Variants in FNBP1 observed in about 807,000 individuals in gnomAD.
FNBP1 encodes formin-binding protein 1.
In FNBP1, 26 loss-of-function variants were observed where a neutral mutation model predicts 90.6. That is an observed-to-expected ratio of 0.29 (90% CI 0.21 to 0.40). The LOEUF (loss-of-function observed/expected upper bound fraction) is 0.40, where lower values mean the gene tolerates loss of function less well. Among genes scored for constraint, FNBP1 ranks in the 10% least tolerant of loss-of-function variants. The pLI, the probability that FNBP1 is intolerant of heterozygous loss-of-function variation, is 1.00. For synonymous variants in FNBP1, 260 were observed against 265.2 expected (o/e 0.98, Z 0.19); for missense variants, 635 against 768.0 (o/e 0.83, Z 2.05).
chr9:130,043,444 C>G (rs1207095720), upstream of FNBP1, among the ~76,000 whole-genome samples: 1 of 152,252 alleles, frequency 6.6e-6, no homozygotes, highest in Non-Finnish European at 1.5e-5. Flanking sequence ...TGACCACTGT[C>G]TGCTCGCAGT....
At chr9:129,895,024 G>A (rs1564246097) in intron 16 of FNBP1, among the ~76,000 whole-genome samples, 1 of 152,064 alleles carries the variant, frequency 6.6e-6, no homozygotes, top group South Asian at 2.1e-4. Flanking sequence ...ACTCCAGCCT[G>A]GGCAACAGAG....
intron 1 of FNBP1, chr9:130,014,005 A>C (rs2056942318): frequency 2.2e-6 from 1 of 456,518 alleles, no homozygotes; most frequent in Non-Finnish European, 4.4e-6. Flanking sequence ...ATAGCAACAC[A>C]AAATAGACTA....
At chr9:129,979,439 G>A in intron 2 of FNBP1, 65 bp from the exon 3 acceptor site, 1 of 1,124,768 alleles carries the variant, frequency 8.9e-7, no homozygotes, top group Non-Finnish European at 1.3e-6. Flanking sequence ...AGGAATGAAA[G>A]ATAACATTAG....
At chr9:129,919,186 C>T (rs1588541475) in intron 10 of FNBP1, 13 of 1,302,606 alleles carry the variant, frequency 1.0e-5, no homozygotes, top group South Asian at 2.5e-5. Flanking sequence ...CAAAGGCATA[C>T]GTGGGTTTCC....
At chr9:129,989,163 C>G (rs1256346215) in intron 2 of FNBP1, among the ~76,000 whole-genome samples, 1 of 152,226 alleles carries the variant, frequency 6.6e-6, no homozygotes, top group Non-Finnish European at 1.5e-5. Flanking sequence ...TAACCACCCC[C>G]ACTTCAATCT....
chr9:130,031,954 G>A lies in FNBP1; in HGVS notation c.24+10998C>T, dbSNP rs890302945. On this transcript the variant is annotated intron_variant, in intron 1 of 16. Transcript: ENST00000446176. This position sits in a 1 kb window ranked among gnomAD's most constrained non-coding sequence, Gnocchi z 4.2. ...TGGTATTACAGGAGTGAGCCACTGC[G>A]CCTGGCCTGATGAAATTTTTACAAT... is the stretch of plus-strand genomic sequence containing the variant. Among the ~76,000 whole-genome samples the A allele has an allele frequency of 2.0e-5, 3 of 152,024 alleles. No individual in the cohort carries two copies. The highest frequency in any genetic ancestry group is 2.1e-4 in the South Asian group (1 of 4,816).
At chr9:130,033,654 C>CCTCTACA (rs2059009114) in intron 1 of FNBP1, among the ~76,000 whole-genome samples, 2 of 149,860 alleles carry the variant, frequency 1.3e-5, no homozygotes, top group Admixed American at 1.3e-4. Flanking sequence ...CTGGGCAACA[C>CCTCTACA]AGGAAGACCC....
At chr9:129,902,833 T>A (rs1182160487) in intron 13 of FNBP1, 36 bp downstream of exon 13, 1 of 1,609,226 alleles carries the variant, frequency 6.2e-7, no homozygotes, top group Non-Finnish European at 8.5e-7. Context: ...CTGTTCTTCG[T>A]TTCCAACAAA....
chr9:129,921,664 C>T (rs576391933), intron 10 of FNBP1, among the ~76,000 whole-genome samples: 28 of 152,316 alleles, frequency 1.8e-4, no homozygotes, highest in African/African-American at 4.8e-4. Context: ...CCGCCCTCCT[C>T]GGCCTCCCAA....
At chr9:129,917,005 C>T (rs1255898986) in intron 10 of FNBP1, among the ~76,000 whole-genome samples, 1 of 151,364 alleles carries the variant, frequency 6.6e-6, no homozygotes, top group East Asian at 2.0e-4. Flanking sequence ...GGAGAATTAT[C>T]CACTGTGACT....
intron 4 of FNBP1, among the ~76,000 whole-genome samples, chr9:129,970,837 A>C (rs1475056007): frequency 1.3e-5 from 2 of 152,146 alleles, no homozygotes; most frequent in African/African-American, 2.4e-5. Context: ...CTAAACTGCT[A>C]AGTTCTTGCA....
At chr9:129,993,545 G>A (rs1341158257) in intron 2 of FNBP1, among the ~76,000 whole-genome samples, 1 of 149,314 alleles carries the variant, frequency 6.7e-6, no homozygotes, top group Non-Finnish European at 1.5e-5. Context: ...GAAGTCTCTG[G>A]GCTCACACTA....
intron 1 of FNBP1, among the ~76,000 whole-genome samples, chr9:130,032,752 TA>T (rs1377099554): frequency 6.6e-6 from 1 of 151,748 alleles, no homozygotes; most frequent in Non-Finnish European, 1.5e-5. Flanking sequence ...TTTTTTTTTT[TA>T]AAGTGGTAAT....
intron 2 of FNBP1, among the ~76,000 whole-genome samples, chr9:129,981,823 A>G (rs1410486698): frequency 6.6e-6 from 1 of 152,210 alleles, no homozygotes; most frequent in Non-Finnish European, 1.5e-5. Flanking sequence ...AACATCCAGT[A>G]GAATATTAAC....
At chr9:129,933,081 T>C (rs1435088152) in intron 6 of FNBP1, among the ~76,000 whole-genome samples, 2 of 152,176 alleles carry the variant, frequency 1.3e-5, no homozygotes, top group Non-Finnish European at 2.9e-5. Flanking sequence ...ATCTCTTCTG[T>C]AAAGAACAGC....
intron 6 of FNBP1, among the ~76,000 whole-genome samples, chr9:129,952,921 C>T (rs922895435): frequency 6.6e-6 from 1 of 152,010 alleles, no homozygotes; most frequent in Non-Finnish European, 1.5e-5. Context: ...CTCAGTGTCC[C>T]TATTTTATAG....
intron 4 of FNBP1, among the ~76,000 whole-genome samples, chr9:129,978,054 T>A (rs956734895): frequency 2.0e-5 from 3 of 151,714 alleles, no homozygotes. Context: ...GGAGTCTTGC[T>A]CTGTCGCCCA....
intron 13 of FNBP1, among the ~76,000 whole-genome samples, chr9:129,901,120 G>A (rs1404898808): frequency 1.3e-5 from 2 of 152,152 alleles, no homozygotes; most frequent in Non-Finnish European, 2.9e-5. Context: ...TAAAAATGAC[G>A]AGAAGGCCGG....
intron 12 of FNBP1, among the ~76,000 whole-genome samples, chr9:129,908,648 G>T (rs1055436233): frequency 1.3e-4 from 20 of 151,982 alleles, no homozygotes; most frequent in Non-Finnish European, 2.5e-4. Flanking sequence ...TGCCTCCTGA[G>T]TTCAAGCAAT....
Sources: allele counts gnomAD v4.1 joint callset (sites outside exome capture counted in the v4.1 genomes callset), GRCh38; gene constraint gnomAD v4.1.1; non-coding constraint Gnocchi (gnomAD v3.1); transcripts MANE v1.5; gene names NCBI Gene and HGNC (gene_info 2026-07-23, HGNC 2026-07-21).